The following ENSA variants were observed in gnomAD, a reference collection of about 807,000 sequenced individuals.
ENSA encodes the protein alpha-endosulfine.
In ENSA, 7 loss-of-function variants were observed where a neutral mutation model predicts 16.8. The ratio of observed to expected loss-of-function variants is 0.42; its 90% CI spans 0.24 to 0.78. The LOEUF (loss-of-function observed/expected upper bound fraction) is 0.78. ENSA is among the 30% of genes least tolerant of loss of function. The pLI, the probability that ENSA is intolerant of heterozygous loss-of-function variation, is 0.29. For synonymous variants in ENSA, 58 were observed against 53.4 expected (o/e 1.09, Z -0.37); for missense variants, 87 against 142.3 (o/e 0.61, Z 1.98).
intron 1 of ENSA, chr1:150,629,122 G>T (rs1217793869): frequency 2.5e-6 from 4 of 1,613,970 alleles, no homozygotes; most frequent in Non-Finnish European, 2.5e-6. Flanking sequence ...TCCATTCACC[G>T]TCTTTCCAAC....
intron 1 of ENSA, chr1:150,628,893 T>TA (rs1280122349): frequency 7.5e-6 from 5 of 663,822 alleles, no homozygotes; most frequent in Non-Finnish European, 1.3e-5. Flanking sequence ...AGACCATCCT[T>TA]AGCTACTAAA....
chr1:150,625,820 G>C lies in ENSA; in HGVS notation c.184-12C>G, dbSNP rs377022254. The C allele has an allele frequency of 1.3e-6, 2 of 1,589,870 alleles. No individual in the cohort carries two copies. The highest frequency in any genetic ancestry group is 1.4e-5 in the African/African-American group (1 of 74,034). On this transcript the variant is annotated splice_polypyrimidine_tract_variant and intron_variant, in intron 2 of 3. Transcript: ENST00000369014. ...TCAAAGTACTTTTGCTAAGAGATAAGAGGGAGGTTTAGGTGAGTGAGGACT... is the reference window on the plus strand; with the variant it reads ...TCAAAGTACTTTTGCTAAGAGATAACAGGGAGGTTTAGGTGAGTGAGGACT...
intron 3 of ENSA, chr1:150,623,282 G>A (rs1347554992): frequency 6.0e-6 from 6 of 1,000,918 alleles, no homozygotes; most frequent in Non-Finnish European, 5.9e-6. Context: ...CACACATGCT[G>A]TTCTGAATGG....
chr1:150,623,797 A>C lies in ENSA; in HGVS notation c.351-938T>G, dbSNP rs1046268965. ...AACACAAAAATTATATACAATTACA[A>C]GTGACAGTCAAGGAGTTTGGGGACC... is the stretch of plus-strand genomic sequence containing the variant. On this transcript the variant is annotated intron_variant, in intron 3 of 3. Transcript: ENST00000369014. 87 of 985,670 alleles carry C rather than the reference A, an allele frequency of 8.8e-5. No individual in the cohort carries two copies. In the Admixed American group the frequency reaches 5.2e-3, roughly 59 times the overall value. The allele number at this position is 985,670 out of a possible 1,614,324, so 61.1% of individuals were successfully genotyped here.
At chr1:150,626,548 G>A (rs1649328116) in intron 2 of ENSA, 2 of 1,608,904 alleles carry the variant, frequency 1.2e-6, no homozygotes, top group African/African-American at 1.3e-5. Flanking sequence ...GCAGAGGAGA[G>A]TAAGGAAAAT....
At chr1:150,623,763 GGAGC>G (rs1649118874) in intron 3 of ENSA, 1 of 985,586 alleles carries the variant, frequency 1.0e-6, no homozygotes, top group Non-Finnish European at 1.2e-6. Context: ...ATGAGGAAAT[GGAGC>G]AAGAAACACA....
intron 1 of ENSA, among the ~76,000 whole-genome samples, chr1:150,628,053 T>C (rs1223726420): frequency 3.9e-5 from 6 of 152,156 alleles, no homozygotes; most frequent in Non-Finnish European, 8.8e-5. Flanking sequence ...TCCCAGCACT[T>C]TGGGAGGCTG....
chr1:150,627,646 T>A, intron 1 of ENSA, 54 bp from the exon 2 acceptor site: 2 of 1,556,078 alleles, frequency 1.3e-6, no homozygotes, highest in Non-Finnish European at 1.7e-6. Context: ...CAACAGCTTC[T>A]CACATCTGAT....
intron 3 of ENSA, 140 bp from the exon 4 acceptor site, chr1:150,622,999 C>G (rs921626085): frequency 1.0e-5 from 12 of 1,195,192 alleles, no homozygotes; most frequent in Middle Eastern, 2.9e-4. Context: ...ATGTCTCAAT[C>G]CTATCCATAA....
chr1:150,622,225 C>CTCCCACACTCACTGCCCTTCT lies in ENSA; in HGVS notation c.*598_*618dup, dbSNP rs1649023720. Reference sequence around the variant, plus strand: ...GGTTCCCCACGCTCACGGCTCCTTTCTCCCACACTCACTGCCCTTCTTCCC... The same window carrying CTCCCACACTCACTGCCCTTCT: ...GGTTCCCCACGCTCACGGCTCCTTTCTCCCACACTCACTGCCCTTCTTCCCACACTCACTGCCCTTCTTCCC... On this transcript the variant is annotated 3_prime_UTR_variant, in exon 4 of 4. Transcript: ENST00000369014. 6.6e-6 allele frequency: 1 copy of CTCCCACACTCACTGCCCTTCT among 152,186 alleles called. No individual in the cohort carries two copies. Among genetic ancestry groups the CTCCCACACTCACTGCCCTTCT allele is most frequent in the Non-Finnish European group, 1.5e-5 (1 of 68,036 alleles). The allele number at this position is 152,186 out of a possible 1,614,324, so 9.4% of individuals were successfully genotyped here.
chr1:150,624,060 A>G, intron 3 of ENSA: 1 of 985,414 alleles, frequency 1.0e-6, no homozygotes, highest in African/African-American at 1.7e-5. Flanking sequence ...CTTGAGCATT[A>G]GTTCTCACCC....
Position 150,622,161 on chromosome 1 carries a change from T to G in ENSA, c.*683A>C, listed in dbSNP as rs1649021310. On this transcript the variant is annotated 3_prime_UTR_variant, in exon 4 of 4. Transcript: ENST00000369014. ...GGTTTTTTCATGGGTTTTTGTTTTG[T>G]TTATTTCGAATACTGAAAAAGTCCT... is the stretch of plus-strand genomic sequence containing the variant. The G allele has an allele frequency of 6.6e-6, 1 of 152,242 alleles. No homozygotes were observed. The highest frequency in any genetic ancestry group is 2.4e-5 in the African/African-American group (1 of 41,466). The allele number at this position is 152,242 out of a possible 1,614,324, so 9.4% of individuals were successfully genotyped here.
At position 150,627,996 on chromosome 1, in the gene ENSA, T is replaced by TA. The variant is rs934141581; in HGVS notation, c.58-405dup. Among the ~76,000 whole-genome samples the TA allele has an allele frequency of 3.2e-3, 481 of 149,556 alleles. 2 individuals are homozygous for TA. Among genetic ancestry groups the TA allele is most frequent in the African/African-American group, 0.011 (451 of 40,788 alleles). ...CTATCCTACATGTCACATGAGAAAT[T>TA]AAAAAAAAAATAGTTTGGGGCTGGG... On this transcript the variant is annotated intron_variant, in intron 1 of 3. Transcript: ENST00000369014.
chr1:150,625,569 C>T lies in ENSA; in HGVS notation c.350+73G>A, dbSNP rs1649242679. 8 of 1,478,020 alleles carry T rather than the reference C, an allele frequency of 5.4e-6. No homozygotes were observed. In the South Asian group the frequency reaches 1.1e-4, roughly 21 times the overall value. 91.6% of individuals were successfully genotyped at this position (1,478,020 alleles called of 1,614,324 possible). A position where few individuals can be genotyped will look rare whatever the true frequency, so the allele number is the denominator to read the frequency against. On this transcript the variant is annotated intron_variant, in intron 3 of 3. Coordinates refer to ENST00000369014, the MANE Select transcript of ENSA (RefSeq NM_004436.4). The stretch of plus-strand genomic sequence containing the variant: ...AAGCTGAGAAGATCTGACTAGGTGC[C>T]CATTTCATCCCTGCCTATAATATAT...
Position 150,627,581 on chromosome 1 carries a change from C to T in ENSA, c.69G>A (p.Glu23=). 1 of 1,610,412 alleles carries T rather than the reference C, an allele frequency of 6.2e-7. No homozygotes were observed. The highest frequency in any genetic ancestry group is 8.5e-7 in the Non-Finnish European group (1 of 1,179,018). Residue 23 remains glutamate (E), a synonymous_variant, in exon 2 of 4, where the codon GAG becomes GAA. Coordinates refer to ENST00000369014, the MANE Select transcript of ENSA (RefSeq NM_004436.4). ...CTCTCTCAGGCAGAATACCTTCTTT[C>T]TCCTGCGTGTCCTGGAGAAAACAAA... ...ETGEEKQDTQ[E]KEGILPERAE...
At chr1:150,626,824 G>T (rs1262439325) in intron 2 of ENSA, among the ~76,000 whole-genome samples, 1 of 152,192 alleles carries the variant, frequency 6.6e-6, no homozygotes, top group African/African-American at 2.4e-5. Context: ...GATTACAGGC[G>T]TGAGCCACTG....
At chr1:150,628,953 A>G in intron 1 of ENSA, 2 of 1,082,390 alleles carry the variant, frequency 1.8e-6, no homozygotes, top group Non-Finnish European at 2.8e-6. Flanking sequence ...TATAATAACT[A>G]CACTTCTCCC....
intron 1 of ENSA, chr1:150,629,006 C>T: frequency 6.3e-7 from 1 of 1,579,060 alleles, no homozygotes. Flanking sequence ...TTACCTCGAC[C>T]CCTATCTTTG....
At chr1:150,628,860 G>T in intron 1 of ENSA, 1 of 597,586 alleles carries the variant, frequency 1.7e-6, no homozygotes. Flanking sequence ...AATATTGCTG[G>T]GTCCTCACTG....
Sources: gnomAD v4.1 joint callset for allele counts (sites outside exome capture counted in the v4.1 genomes callset) on GRCh38, gnomAD v4.1.1 for gene constraint, MANE v1.5 for transcripts, NCBI Gene and HGNC (gene_info 2026-07-23, HGNC 2026-07-21) for gene names.